The following ALDH5A1 variants were observed in gnomAD, a reference collection of about 807,000 sequenced individuals.
ALDH5A1 encodes aldehyde dehydrogenase 5 family member A1.
Under a neutral mutation model 54.7 loss-of-function variants are expected in ALDH5A1, and 33 were observed. The ratio of observed to expected loss-of-function variants is 0.60; its 90% CI spans 0.46 to 0.81. The LOEUF is 0.81. ALDH5A1 is among the 30% of genes least tolerant of loss of function. The pLI, the probability that ALDH5A1 is intolerant of heterozygous loss-of-function variation, is 0.00. For missense variants in ALDH5A1, 657 were observed against 711.0 expected, an observed-to-expected ratio of 0.92 and a Z score of 0.86; for synonymous variants, 294 against 292.7, an observed-to-expected ratio of 1.00 and a Z score of -0.05.
chr6:24,503,961 C>T (rs2760117), intron 3 of ALDH5A1, among the ~76,000 whole-genome samples: 43,872 of 151,940 alleles, frequency 0.29, 6,559 homozygotes, highest in Non-Finnish European at 0.31. Context: ...ATTTGTGGAA[C>T]GCCCAGCTTT....
At position 24,503,451 on chromosome 6, in the gene ALDH5A1, C is replaced by T; in HGVS notation, c.609+18C>T. 6.2e-7 allele frequency: 1 copy of T among 1,609,504 alleles called. No homozygotes were observed. On this transcript the variant is annotated intron_variant, in intron 3 of 9. Transcript: ENST00000357578. ...TCACCCCGGTAGGTGACAGGATCAGCAAGATCCTAGGGTGGGAGATTGGAT... is the reference window on the plus strand; with the variant it reads ...TCACCCCGGTAGGTGACAGGATCAGTAAGATCCTAGGGTGGGAGATTGGAT...
intron 7 of ALDH5A1, among the ~76,000 whole-genome samples, chr6:24,527,609 G>A (rs1264603543): frequency 1.3e-5 from 2 of 152,132 alleles, no homozygotes; most frequent in African/African-American, 4.8e-5. Flanking sequence ...TTGAGATTAT[G>A]TGTGTCAGAA....
intron 6 of ALDH5A1, 73 bp downstream of exon 6, chr6:24,520,617 G>GTGTT: frequency 6.5e-7 from 1 of 1,546,280 alleles, no homozygotes; most frequent in African/African-American, 1.4e-5. Context: ...GTGTGTGTGT[G>GTGTT]ATATGTGTGC....
intron 1 of ALDH5A1, 23 bp from the exon 2 acceptor site, chr6:24,502,500 C>G: frequency 6.4e-7 from 1 of 1,555,342 alleles, no homozygotes; most frequent in Non-Finnish European, 8.9e-7. Context: ...TATTACTTTT[C>G]TGCCTTGTTA....
chr6:24,528,732 G>A (rs1183520479), intron 8 of ALDH5A1, among the ~76,000 whole-genome samples: 1 of 149,836 alleles, frequency 6.7e-6, no homozygotes, highest in African/African-American at 2.5e-5. Context: ...GATGGAGGAT[G>A]GAGTCTTGCT....
chr6:24,495,495 A>C lies in ALDH5A1; in HGVS notation c.354+145A>C. 3.7e-6 allele frequency: 3 copies of C among 814,688 alleles called. No individual in the cohort carries two copies. In the South Asian group the frequency reaches 5.5e-5, roughly 15 times the overall value. The allele number at this position is 814,688 out of a possible 1,614,324, so 50.5% of individuals were successfully genotyped here. Reference sequence around the variant, plus strand: ...GTATACAAAGTGGAAAGTCAGAGCAACAAGGGAGACGACCGACAAATAAGT... The same window carrying C: ...GTATACAAAGTGGAAAGTCAGAGCACCAAGGGAGACGACCGACAAATAAGT... On this transcript the variant is annotated intron_variant, in intron 1 of 9. Transcript: ENST00000357578.
chr6:24,527,806 G>T (rs2127389473), intron 7 of ALDH5A1, among the ~76,000 whole-genome samples, 191 bp from the exon 8 acceptor site: 1 of 152,266 alleles, frequency 6.6e-6, no homozygotes, highest in South Asian at 2.1e-4. Flanking sequence ...AGACCAAGGA[G>T]GAAGGTGGCA....
rs773257477 is a variant in ALDH5A1, at chr6:24,502,517, TTGC to T, written c.355-5_355-3del. On this transcript the variant is annotated splice_polypyrimidine_tract_variant and splice_region_variant and intron_variant, in intron 1 of 9. Transcript: ENST00000357578. ...TTACTTTTCTGCCTTGTTATTTCTT[TTGC>T]AGGAGAGGAGTTCATTACTTCGGAA... The T allele has an allele frequency of 6.2e-7, 1 of 1,603,272 alleles. No homozygotes were observed. Among genetic ancestry groups the T allele is most frequent in the Non-Finnish European group, 8.5e-7 (1 of 1,170,138 alleles).
chr6:24,502,038 C>G (rs1343609023), intron 1 of ALDH5A1, among the ~76,000 whole-genome samples: 1 of 151,750 alleles, frequency 6.6e-6, no homozygotes, highest in African/African-American at 2.4e-5. Flanking sequence ...ACTGTGGATG[C>G]TAAGAAGTCC....
At chr6:24,530,032 A>G (rs933126064) in intron 8 of ALDH5A1, among the ~76,000 whole-genome samples, 9 of 151,896 alleles carry the variant, frequency 5.9e-5, no homozygotes, top group Non-Finnish European at 1.3e-4. Flanking sequence ...TTTTCCAGAT[A>G]TTCTTCTTCC....
intron 6 of ALDH5A1, 157 bp from the exon 7 acceptor site, chr6:24,522,610 T>A: frequency 1.2e-6 from 1 of 808,156 alleles, no homozygotes. Flanking sequence ...CTTTTATCTT[T>A]GGGGCCAAGC....
Position 24,515,611 on chromosome 6 carries a change from A to T in ALDH5A1, c.870+301A>T, listed in dbSNP as rs151187157. ...GTGGTGCACACCCGTAATCCCAGGT[A>T]CCCAGGTGACTGAGGCATGAGAATC... On this transcript the variant is annotated intron_variant, in intron 5 of 9. Transcript: ENST00000357578. Among the ~76,000 whole-genome samples, 507 of 152,252 alleles carry T rather than the reference A, an allele frequency of 3.3e-3. 6 individuals carry two copies. Among genetic ancestry groups the T allele is most frequent in the African/African-American group, 0.01 (432 of 41,530 alleles).
chr6:24,512,845 A>G, intron 4 of ALDH5A1, among the ~76,000 whole-genome samples: 1 of 152,080 alleles, frequency 6.6e-6, no homozygotes, highest in East Asian at 1.9e-4. Context: ...ACACACCATC[A>G]TGCCCGTCTA....
At chr6:24,523,688 G>T (rs566566409) in intron 7 of ALDH5A1, among the ~76,000 whole-genome samples, 9 of 152,302 alleles carry the variant, frequency 5.9e-5, no homozygotes, top group African/African-American at 1.7e-4. Flanking sequence ...GATGGTTTGC[G>T]TTTCGGCTGT....
chr6:24,527,758 T>G (rs1050387071), intron 7 of ALDH5A1, among the ~76,000 whole-genome samples: 5 of 152,062 alleles, frequency 3.3e-5, no homozygotes, highest in African/African-American at 7.2e-5. Context: ...ATTAGACCAT[T>G]CAACAAATAG....
At chr6:24,527,721 C>T (rs189286047) in intron 7 of ALDH5A1, among the ~76,000 whole-genome samples, 13 of 152,228 alleles carry the variant, frequency 8.5e-5, no homozygotes, top group African/African-American at 1.2e-4. Context: ...ACGGCTGAGC[C>T]GCAGGCCTAG....
At chr6:24,513,712 G>A (rs1759506035) in intron 4 of ALDH5A1, among the ~76,000 whole-genome samples, 1 of 152,094 alleles carries the variant, frequency 6.6e-6, no homozygotes, top group African/African-American at 2.4e-5. Flanking sequence ...ACCTACTATT[G>A]ATAGGGCAAG....
chr6:24,523,022 A>T, intron 7 of ALDH5A1, 97 bp downstream of exon 7: 4 of 483,674 alleles, frequency 8.3e-6, no homozygotes, highest in Non-Finnish European at 1.5e-5. Context: ...GTGGGGATAG[A>T]GAGGGGTGGG....
At chr6:24,519,622 C>T (rs1056625082) in intron 5 of ALDH5A1, among the ~76,000 whole-genome samples, 3 of 151,946 alleles carry the variant, frequency 2.0e-5, no homozygotes, top group Non-Finnish European at 4.4e-5. Flanking sequence ...AGGATCTTCA[C>T]ATTAGAGTGT....
Sources: gnomAD v4.1 joint callset for allele counts (sites outside exome capture counted in the v4.1 genomes callset) on GRCh38, gnomAD v4.1.1 for gene constraint, MANE v1.5 for transcripts, NCBI Gene and HGNC (gene_info 2026-07-23, HGNC 2026-07-21) for gene names.